Variants in ASH1L observed in about 807,000 individuals in gnomAD.
ASH1L encodes ASH1 like histone lysine methyltransferase.
Under a neutral mutation model 269.0 loss-of-function variants are expected in ASH1L, and 23 were observed. The observed-to-expected ratio is 0.09, with a 90% CI of 0.06 to 0.12. The LOEUF (loss-of-function observed/expected upper bound fraction) is 0.12. ASH1L is among the 10% of genes least tolerant of loss of function. The pLI is 1.00. For synonymous variants in ASH1L, 1,187 were observed against 1,253.5 expected, an observed-to-expected ratio of 0.95 and a Z score of 1.12; for missense variants, 2,912 against 3,567.8, an observed-to-expected ratio of 0.82 and a Z score of 4.68.
At chr1:155,397,383 G>C (rs901946567) in intron 6 of ASH1L, among the ~76,000 whole-genome samples, 1 of 151,652 alleles carries the variant, frequency 6.6e-6, no homozygotes, top group African/African-American at 2.4e-5. Flanking sequence ...GGTAATCCCA[G>C]CTACTCAAGA....
rs746642597 is a variant in ASH1L, at chr1:155,469,146, C to T, written c.4984+8740G>A. ...TCATCCACTTTCAGTACTTACCTAACCAATCTCCCATAACACTTGACACTC... is the reference window on the plus strand; with the variant it reads ...TCATCCACTTTCAGTACTTACCTAATCAATCTCCCATAACACTTGACACTC... On this transcript the variant is annotated intron_variant, in intron 3 of 27. Coordinates refer to ENST00000392403, the MANE Select transcript of ASH1L (RefSeq NM_018489.3). Among the ~76,000 whole-genome samples, 11 of 151,900 alleles carry T rather than the reference C, an allele frequency of 7.2e-5. 1 individual carries two copies. Among genetic ancestry groups the T allele is most frequent in the Non-Finnish European group, 5.9e-5 (4 of 68,008 alleles).
At chr1:155,453,841 G>A (rs1297703075) in intron 4 of ASH1L, among the ~76,000 whole-genome samples, 4 of 152,136 alleles carry the variant, frequency 2.6e-5, no homozygotes, top group African/African-American at 4.8e-5. Context: ...AGTGGCTCAC[G>A]CCTGTAATCC....
intron 2 of ASH1L, among the ~76,000 whole-genome samples, chr1:155,484,100 G>C (rs1666138824): frequency 6.6e-6 from 1 of 152,188 alleles, no homozygotes. Flanking sequence ...AGACCCCTAT[G>C]CATCTAACTT....
chr1:155,339,533 G>T lies in ASH1L; in HGVS notation c.8461-165C>A, dbSNP rs149742311. ...CTTCTATGAATATGCAGGCCACAAT[G>T]ATTATCAGCATTTTGTGCTCCCAGG... On this transcript the variant is annotated intron_variant, in intron 25 of 27. Transcript: ENST00000392403. 1.5e-3 allele frequency among the ~76,000 whole-genome samples: 229 copies of T among 152,270 alleles called. 1 individual carries two copies. The highest frequency in any genetic ancestry group is 4.6e-3 in the African/African-American group (191 of 41,548).
chr1:155,541,319 A>G (rs1207188135), intron 1 of ASH1L, among the ~76,000 whole-genome samples: 4 of 152,018 alleles, frequency 2.6e-5, no homozygotes, highest in African/African-American at 4.8e-5. Flanking sequence ...TTAAAAATTG[A>G]TATTTTTCTT....
At chr1:155,562,908 C>T (rs1672146448), upstream of ASH1L, 2 of 451,960 alleles carry the variant, frequency 4.4e-6, no homozygotes, top group Non-Finnish European at 8.8e-6. Flanking sequence ...GCCCCCCCTA[C>T]CACCCTCCAC....
At chr1:155,415,643 C>T (rs758658811) in intron 6 of ASH1L, 101 bp downstream of exon 6, 56 of 1,370,884 alleles carry the variant, frequency 4.1e-5, no homozygotes, top group Non-Finnish European at 5.5e-5. Flanking sequence ...AATCATCACG[C>T]TTATGAAACA....
chr1:155,434,388 A>T (rs2148606116), intron 5 of ASH1L: 1 of 1,384,126 alleles, frequency 7.2e-7, no homozygotes, highest in South Asian at 1.3e-5. Context: ...TGGGAACACA[A>T]AGGGTGGGGG....
At chr1:155,387,855 T>C (rs2148464684) in intron 7 of ASH1L, among the ~76,000 whole-genome samples, 1 of 152,324 alleles carries the variant, frequency 6.6e-6, no homozygotes, top group African/African-American at 2.4e-5. Context: ...TTCGCTTCCC[T>C]AGTTAGCTGT....
chr1:155,408,074 T>C (rs1659442544), intron 6 of ASH1L, among the ~76,000 whole-genome samples: 1 of 152,210 alleles, frequency 6.6e-6, no homozygotes, highest in African/African-American at 2.4e-5. Context: ...ACTGTCTTTG[T>C]TGAAGACTTG....
intron 3 of ASH1L, among the ~76,000 whole-genome samples, chr1:155,474,288 T>C (rs949951186): frequency 6.6e-6 from 1 of 152,162 alleles, no homozygotes; most frequent in African/African-American, 2.4e-5. Flanking sequence ...ATTTTTCAAA[T>C]ACTCAGAGGA....
At chr1:155,472,571 T>C (rs960707720) in intron 3 of ASH1L, among the ~76,000 whole-genome samples, 4 of 151,968 alleles carry the variant, frequency 2.6e-5, no homozygotes, top group South Asian at 4.2e-4. Context: ...GGATCTCAAA[T>C]CCAAAAGTTC....
At position 155,481,995 on chromosome 1, in the gene ASH1L, A is replaced by G; in HGVS notation, c.875T>C (p.Val292Ala). Reference sequence around the variant, plus strand: ...GACCAATCCTACTGCTGCATTAAACACTGGCTTTTTCCCAGGATCTTTAGT... The same window carrying G: ...GACCAATCCTACTGCTGCATTAAACGCTGGCTTTTTCCCAGGATCTTTAGT... ...LVTKDPGKKP[V>A]FNAAVGLVNK... Residue 292 changes from valine to alanine, a missense_variant, in exon 3 of 28, where the codon GTG (valine) becomes GCG (alanine). Physicochemically the swap from Val to Ala is moderately conservative, Grantham distance 64 (BLOSUM62 0). Transcript: ENST00000392403. 6 of 1,614,174 alleles carry G rather than the reference A, an allele frequency of 3.7e-6. No individual in the cohort carries two copies. The highest frequency in any genetic ancestry group is 5.1e-6 in the Non-Finnish European group (6 of 1,180,026).
chr1:155,351,071 AC>A (rs771326004), intron 17 of ASH1L, among the ~76,000 whole-genome samples: 1 of 147,306 alleles, frequency 6.8e-6, no homozygotes, highest in Non-Finnish European at 1.5e-5. Flanking sequence ...CCCTGTCTCT[AC>A]TAAAAACACA....
intron 15 of ASH1L, among the ~76,000 whole-genome samples, chr1:155,356,439 C>G (rs1654392187): frequency 6.6e-6 from 1 of 151,748 alleles, no homozygotes; most frequent in East Asian, 1.9e-4. Flanking sequence ...TCGAGACCAT[C>G]CTGGCTAACA....
intron 3 of ASH1L, among the ~76,000 whole-genome samples, chr1:155,462,525 C>G (rs72993455): frequency 1.9e-3 from 283 of 152,278 alleles, no homozygotes; most frequent in African/African-American, 6.6e-3. Context: ...GCTTCAGAGG[C>G]AGTGGGAGAT....
In ASH1L at chr1:155,352,710, A is replaced by G. The variant is rs1654042744; in HGVS notation, c.7362T>C (p.Tyr2454=). The G allele has an allele frequency of 5.0e-6, 8 of 1,601,204 alleles. No homozygotes were observed. The East Asian group carries it at 1.1e-4, about 22-fold the overall frequency. The stretch of plus-strand genomic sequence containing the variant: ...TTTGAAGGTGGTTATAGTCACCTTT[A>G]TAAGAGATGATACCATCACAAATTT... The part of the protein sequence containing the change: ...FKEICDGIIS[Y]KDSSRQALAA... Residue 2454 remains tyrosine (Y), a synonymous_variant, in exon 17 of 28, where the codon TAT becomes TAC. Coordinates refer to ENST00000392403, the MANE Select transcript of ASH1L (RefSeq NM_018489.3).
intron 5 of ASH1L, among the ~76,000 whole-genome samples, chr1:155,424,951 C>T (rs925672397): frequency 2.6e-5 from 4 of 151,558 alleles, no homozygotes; most frequent in African/African-American, 7.3e-5. Context: ...GTATAGACAC[C>T]CACCACCTCA....
intron 10 of ASH1L, among the ~76,000 whole-genome samples, chr1:155,372,307 T>A (rs976709560): frequency 4.7e-5 from 7 of 150,036 alleles, no homozygotes; most frequent in East Asian, 1.9e-4. Context: ...TTTTTTTTTT[T>A]AATTTATTTT....
Sources: allele counts gnomAD v4.1 joint callset (sites outside exome capture counted in the v4.1 genomes callset), GRCh38; gene constraint gnomAD v4.1.1; transcripts MANE v1.5; gene names NCBI Gene and HGNC (gene_info 2026-07-23, HGNC 2026-07-21).